The following UBE2E2 variants were observed in gnomAD, a reference collection of about 807,000 sequenced individuals.
The protein encoded by UBE2E2 is ubiquitin-conjugating enzyme E2 E2.
In UBE2E2, 6 loss-of-function variants were observed where a neutral mutation model predicts 24.7. The observed-to-expected ratio is 0.24, with a 90% CI of 0.13 to 0.48. The LOEUF (loss-of-function observed/expected upper bound fraction) is 0.48, where lower values mean the gene tolerates loss of function less well. UBE2E2 is among the 20% of genes least tolerant of loss of function. The pLI, the probability that UBE2E2 is intolerant of heterozygous loss-of-function variation, is 0.99. For synonymous variants in UBE2E2, 104 were observed against 83.6 expected, an observed-to-expected ratio of 1.24 and a Z score of -1.33; for missense variants, 169 against 245.0, an observed-to-expected ratio of 0.69 and a Z score of 2.07.
At chr3:23,239,922 A>G (rs1168108714) in intron 3 of UBE2E2, among the ~76,000 whole-genome samples, 1 of 152,182 alleles carries the variant, frequency 6.6e-6, no homozygotes, top group Non-Finnish European at 1.5e-5. Flanking sequence ...AGTATGATTT[A>G]TTCCTCTTTT....
intron 5 of UBE2E2, among the ~76,000 whole-genome samples, chr3:23,581,305 T>C (rs1029444460): frequency 6.6e-6 from 1 of 152,160 alleles, no homozygotes; most frequent in African/African-American, 2.4e-5. Flanking sequence ...CGAGCAGGGC[T>C]TATTTAAAAA....
chr3:23,328,686 G>A (rs1338647965), intron 3 of UBE2E2, among the ~76,000 whole-genome samples: 3 of 144,828 alleles, frequency 2.1e-5, no homozygotes, highest in Admixed American at 7.1e-5. Flanking sequence ...GTTTTGAGAC[G>A]GAGTCTCGCT....
intron 5 of UBE2E2, among the ~76,000 whole-genome samples, chr3:23,574,819 T>C (rs1399359573): frequency 6.6e-6 from 1 of 152,204 alleles, no homozygotes; most frequent in Non-Finnish European, 1.5e-5. Flanking sequence ...ATTCACTTGC[T>C]GCTTCACACA....
At chr3:23,308,688 G>A (rs1232536759) in intron 3 of UBE2E2, among the ~76,000 whole-genome samples, 2 of 152,092 alleles carry the variant, frequency 1.3e-5, no homozygotes, top group Non-Finnish European at 2.9e-5. Context: ...CCAGAGGAAT[G>A]GAACCAATAA....
chr3:23,282,128 G>A (rs548269721), intron 3 of UBE2E2, among the ~76,000 whole-genome samples: 25 of 152,240 alleles, frequency 1.6e-4, no homozygotes, highest in African/African-American at 4.3e-4. Context: ...CAGCCCTTTC[G>A]TCTCTTCTGT....
intron 3 of UBE2E2, among the ~76,000 whole-genome samples, chr3:23,320,273 A>T (rs1462070521): frequency 1.3e-5 from 2 of 152,198 alleles, no homozygotes; most frequent in East Asian, 1.9e-4. Context: ...ATTATCTCCA[A>T]CTGGATGTGC....
chr3:23,300,685 A>G (rs1699050566), intron 3 of UBE2E2, among the ~76,000 whole-genome samples: 1 of 152,180 alleles, frequency 6.6e-6, no homozygotes, highest in Non-Finnish European at 1.5e-5. Context: ...CTTTGTGGGT[A>G]ACCCGACCTT....
intron 3 of UBE2E2, among the ~76,000 whole-genome samples, chr3:23,487,069 C>T (rs1234006547): frequency 1.3e-5 from 2 of 152,332 alleles, no homozygotes; most frequent in East Asian, 1.9e-4. Context: ...GAGCTTCCCT[C>T]AATACCCCCG....
chr3:23,268,729 G>C (rs1333178616), intron 3 of UBE2E2, among the ~76,000 whole-genome samples: 1 of 149,250 alleles, frequency 6.7e-6, no homozygotes, highest in Non-Finnish European at 1.5e-5. Flanking sequence ...AACCAAAAAA[G>C]AGCCCGCATT....
chr3:23,550,980 T>A (rs1695629540), intron 5 of UBE2E2, among the ~76,000 whole-genome samples: 1 of 152,218 alleles, frequency 6.6e-6, no homozygotes, highest in African/African-American at 2.4e-5. Flanking sequence ...TTAGTAGGGA[T>A]GAATTACTCT....
chr3:23,589,756 C>T lies in UBE2E2; in HGVS notation c.531C>T (p.Ile177=), dbSNP rs376590203. Residue 177 remains isoleucine (I), a synonymous_variant, in exon 6 of 6, where the codon ATC becomes ATT. Transcript: ENST00000396703. This position sits in a 1 kb window ranked among gnomAD's most constrained non-coding sequence, Gnocchi z 4.1. The part of the protein sequence containing the change: ...CNPADPLVGS[I]ATQYMTNRAE... ...CAGCTGACCCTCTGGTGGGCAGCAT[C>T]GCCACACAGTACATGACCAACAGAG... is the stretch of plus-strand genomic sequence containing the variant. 1.1e-5 allele frequency: 17 copies of T among 1,613,930 alleles called. No individual in the cohort carries two copies. Among genetic ancestry groups the T allele is most frequent in the Non-Finnish European group, 1.4e-5 (16 of 1,179,948 alleles).
At chr3:23,277,683 T>C (rs2125368821) in intron 3 of UBE2E2, among the ~76,000 whole-genome samples, 1 of 152,148 alleles carries the variant, frequency 6.6e-6, no homozygotes, top group Non-Finnish European at 1.5e-5. Context: ...ACCTGGGCCT[T>C]AGGATTTAAT....
At chr3:23,329,223 A>G (rs1694996075) in intron 3 of UBE2E2, among the ~76,000 whole-genome samples, 1 of 152,176 alleles carries the variant, frequency 6.6e-6, no homozygotes, top group Non-Finnish European at 1.5e-5. Context: ...AGGCAAACCA[A>G]ATAGGCAAAT....
chr3:23,299,756 C>G (rs907329554), intron 3 of UBE2E2, among the ~76,000 whole-genome samples: 11 of 151,916 alleles, frequency 7.2e-5, no homozygotes, highest in Non-Finnish European at 8.8e-5. Flanking sequence ...AGAATGTATA[C>G]TCTGTTGATT....
chr3:23,547,992 T>G (rs1173559295), intron 5 of UBE2E2, among the ~76,000 whole-genome samples: 1 of 152,176 alleles, frequency 6.6e-6, no homozygotes, highest in African/African-American at 2.4e-5. Flanking sequence ...GAGGGAAGAC[T>G]GGAGGGAAGA....
intron 3 of UBE2E2, among the ~76,000 whole-genome samples, chr3:23,429,013 A>T (rs1270063101): frequency 6.6e-6 from 1 of 152,050 alleles, no homozygotes; most frequent in East Asian, 1.9e-4. Context: ...ATAAAGAAAT[A>T]CTATAAACAA....
Position 23,580,768 on chromosome 3 carries a change from T to TA in UBE2E2, c.509-8960dup, listed in dbSNP as rs143500591. On this transcript the variant is annotated intron_variant, in intron 5 of 5. Transcript: ENST00000396703. ...GAGAAATGAGTAGAAGCCTGCCAGG[T>TA]AAAAAAGTAGAAAAGGTTATCCCAG... is the stretch of plus-strand genomic sequence containing the variant. 7.0e-3 allele frequency among the ~76,000 whole-genome samples: 1,072 copies of TA among 152,212 alleles called. 32 individuals are homozygous for TA. The highest frequency in any genetic ancestry group is 0.047 in the East Asian group (246 of 5,180).
At chr3:23,588,056 G>A (rs1341042717) in intron 5 of UBE2E2, among the ~76,000 whole-genome samples, 1 of 152,182 alleles carries the variant, frequency 6.6e-6, no homozygotes, top group Non-Finnish European at 1.5e-5. Flanking sequence ...AAAAAGTGGT[G>A]TTTCTATTAT....
intron 3 of UBE2E2, among the ~76,000 whole-genome samples, chr3:23,473,163 C>G (rs1699062546): frequency 2.0e-5 from 3 of 151,896 alleles, no homozygotes; most frequent in African/African-American, 7.3e-5. Flanking sequence ...GTGCCTTTCC[C>G]CCACTCTATC....
Sources: gnomAD v4.1 joint callset for allele counts (sites outside exome capture counted in the v4.1 genomes callset) on GRCh38, gnomAD v4.1.1 for gene constraint, Gnocchi (gnomAD v3.1) non-coding constraint, MANE v1.5 for transcripts, NCBI Gene and HGNC (gene_info 2026-07-23, HGNC 2026-07-21) for gene names.